The following SIK3 variants were observed in gnomAD, a reference collection of about 807,000 sequenced individuals.
The protein encoded by SIK3 is serine/threonine-protein kinase SIK3.
SIK3 carries 28 observed loss-of-function variants against 144.2 expected under a neutral mutation model. The observed-to-expected ratio is 0.19, with a 90% CI of 0.14 to 0.27. The LOEUF (loss-of-function observed/expected upper bound fraction) is 0.27, where lower values mean the gene tolerates loss of function less well. Among genes scored for constraint, SIK3 ranks in the 10% least tolerant of loss-of-function variants. The probability of loss-of-function intolerance (pLI) is 1.00; values close to 1 mark genes in which losing one functional copy is unlikely to be tolerated. For synonymous variants in SIK3, 686 were observed against 676.3 expected (o/e 1.01, Z -0.22); for missense variants, 1,319 against 1,776.0 (o/e 0.74, Z 4.62).
At chr11:116,992,584 G>A (rs1950535749) in intron 1 of SIK3, among the ~76,000 whole-genome samples, 1 of 152,092 alleles carries the variant, frequency 6.6e-6, no homozygotes, top group Non-Finnish European at 1.5e-5. Flanking sequence ...TGTACAATCT[G>A]TTTCATTTGT....
chr11:117,038,044 C>T (rs1436717391), intron 1 of SIK3, among the ~76,000 whole-genome samples: 2 of 152,176 alleles, frequency 1.3e-5, no homozygotes, highest in South Asian at 4.1e-4. Context: ...TGTCTTATTC[C>T]TGAATCAAGA....
intron 21 of SIK3, among the ~76,000 whole-genome samples, chr11:116,854,776 T>C (rs1013986082): frequency 1.3e-5 from 2 of 152,050 alleles, no homozygotes; most frequent in African/African-American, 2.4e-5. Context: ...AAAGTAAAAA[T>C]GTAAGCTCTG....
At chr11:116,987,138 A>T (rs1219305923) in intron 1 of SIK3, among the ~76,000 whole-genome samples, 1 of 152,056 alleles carries the variant, frequency 6.6e-6, no homozygotes, top group African/African-American at 2.4e-5. Flanking sequence ...ACCACAAAAC[A>T]AACAAACAAA....
chr11:117,007,886 C>T (rs921114233), intron 1 of SIK3, among the ~76,000 whole-genome samples: 1 of 151,842 alleles, frequency 6.6e-6, no homozygotes, highest in Non-Finnish European at 1.5e-5. Flanking sequence ...GAGTTCGAGA[C>T]CAGCCTGGCC....
chr11:117,082,787 G>T (rs1721445596), intron 1 of SIK3, among the ~76,000 whole-genome samples: 1 of 152,102 alleles, frequency 6.6e-6, no homozygotes, highest in Admixed American at 6.6e-5. Context: ...TAAAGCAGTT[G>T]AAAAAATTAT....
At chr11:117,055,486 C>G (rs1321757526) in intron 1 of SIK3, among the ~76,000 whole-genome samples, 1 of 152,132 alleles carries the variant, frequency 6.6e-6, no homozygotes, top group Non-Finnish European at 1.5e-5. Flanking sequence ...AATAATGGAG[C>G]CAGATTCAAA....
intron 1 of SIK3, among the ~76,000 whole-genome samples, chr11:117,095,718 C>T (rs547377998): frequency 2.8e-4 from 43 of 152,330 alleles, no homozygotes; most frequent in African/African-American, 9.6e-4. Context: ...ACCCAGAGCA[C>T]GTGACAACTC....
intron 1 of SIK3, among the ~76,000 whole-genome samples, chr11:117,083,728 A>G (rs1398535268): frequency 6.6e-6 from 1 of 152,224 alleles, no homozygotes; most frequent in Admixed American, 6.5e-5. Context: ...AATAAGAAAC[A>G]CACAGCTCTG....
Position 117,010,843 on chromosome 11 carries a change from G to A in SIK3, c.274-53779C>T, listed in dbSNP as rs115256356. Reference sequence around the variant, plus strand: ...AATGTCAGAGACAAAATGTAGGCCAGGCACGGTGGCTCATACCTGTAATCC... The same window carrying A: ...AATGTCAGAGACAAAATGTAGGCCAAGCACGGTGGCTCATACCTGTAATCC... On this transcript the variant is annotated intron_variant, in intron 1 of 24. Coordinates refer to ENST00000445177, the MANE Select transcript of SIK3 (RefSeq NM_001366686.3). Among the ~76,000 whole-genome samples, 1,051 of 152,302 alleles carry A rather than the reference G, an allele frequency of 6.9e-3. 19 individuals are homozygous for A. Among genetic ancestry groups the A allele is most frequent in the African/African-American group, 0.023 (970 of 41,562 alleles).
chr11:117,093,423 C>T (rs530789176), intron 1 of SIK3, among the ~76,000 whole-genome samples: 30 of 152,318 alleles, frequency 2.0e-4, no homozygotes, highest in African/African-American at 7.2e-4. Flanking sequence ...AGAATTCTGA[C>T]CTTGGCCGTC....
intron 1 of SIK3, among the ~76,000 whole-genome samples, chr11:117,032,662 C>T (rs1366940565): frequency 6.9e-6 from 1 of 145,630 alleles, no homozygotes; most frequent in Admixed American, 6.9e-5. Context: ...CGCATCACCA[C>T]ACCCACCTTT....
intron 1 of SIK3, among the ~76,000 whole-genome samples, chr11:116,999,857 A>G (rs1219717190): frequency 6.6e-6 from 1 of 152,240 alleles, no homozygotes; most frequent in Non-Finnish European, 1.5e-5. Flanking sequence ...CAAAGAATAT[A>G]TACTTTCCAG....
At chr11:116,998,189 A>G (rs534658085) in intron 1 of SIK3, among the ~76,000 whole-genome samples, 6 of 152,200 alleles carry the variant, frequency 3.9e-5, no homozygotes, top group Admixed American at 1.3e-4. Flanking sequence ...AGCTATTCCA[A>G]TATGCAAGGA....
chr11:116,896,344 G>A lies in SIK3; in HGVS notation c.774C>T (p.Cys258=), dbSNP rs56136239. ...TGCTTCCATCAAATGGCAGGGCACC[G>A]CACACAAGCACGTAGAGGACAACTC... The part of the protein sequence containing the change: ...SLGVVLYVLV[C]GALPFDGSTL... Residue 258 remains cysteine (C), a synonymous_variant, in exon 6 of 25, where the codon TGC becomes TGT. Coordinates refer to ENST00000445177, the MANE Select transcript of SIK3 (RefSeq NM_001366686.3). 50 of 1,613,628 alleles carry A rather than the reference G, an allele frequency of 3.1e-5. No individual in the cohort carries two copies. The highest frequency in any genetic ancestry group is 1.8e-4 in the East Asian group (8 of 44,882).
chr11:116,857,790 C>A lies in SIK3; in HGVS notation c.3655+20G>T. 6.2e-7 allele frequency: 1 copy of A among 1,612,518 alleles called. No individual in the cohort carries two copies. The highest frequency in any genetic ancestry group is 8.5e-7 in the Non-Finnish European group (1 of 1,179,050). ...TTAGGGCAGACTGGCCCAGGACTTC[C>A]ACTGTGAGGAGACACTTACCTCTGC... On this transcript the variant is annotated intron_variant, in intron 21 of 24. Coordinates refer to ENST00000445177, the MANE Select transcript of SIK3 (RefSeq NM_001366686.3).
chr11:116,960,490 C>T (rs573806651), intron 1 of SIK3, among the ~76,000 whole-genome samples: 1 of 152,244 alleles, frequency 6.6e-6, no homozygotes, highest in African/African-American at 2.4e-5. Context: ...CACTGCATTG[C>T]AATCTGTGCA....
intron 19 of SIK3, among the ~76,000 whole-genome samples, chr11:116,860,746 C>CCCAA (rs67934172): frequency 0.052 from 6,238 of 120,138 alleles, 218 homozygotes; most frequent in African/African-American, 0.19. Flanking sequence ...TGTGTACCCA[C>CCCAA]ATCTTGAAGT....
At chr11:116,870,077 A>G (rs1467636728) in intron 14 of SIK3, 24 of 1,450,578 alleles carry the variant, frequency 1.7e-5, no homozygotes, top group Non-Finnish European at 2.2e-5. Flanking sequence ...AGGAAGAAGG[A>G]GGGAGGAAAG....
chr11:117,064,128 C>T (rs1274219322), intron 1 of SIK3, among the ~76,000 whole-genome samples: 1 of 152,160 alleles, frequency 6.6e-6, no homozygotes. Context: ...CTAAGGTCAA[C>T]ATCCTTCAGG....
Sources: gnomAD v4.1 joint callset for allele counts (sites outside exome capture counted in the v4.1 genomes callset) on GRCh38, gnomAD v4.1.1 for gene constraint, MANE v1.5 for transcripts, NCBI Gene and HGNC (gene_info 2026-07-23, HGNC 2026-07-21) for gene names.